The following SMYD3 variants were observed in gnomAD, a reference collection of about 807,000 sequenced individuals.
SMYD3 encodes SET and MYND domain containing 3.
A neutral mutation model predicts 57.7 loss-of-function variants in SMYD3; 36 were observed. The observed-to-expected ratio is 0.62, with a 90% CI of 0.48 to 0.82. The LOEUF is 0.82. Ranked by LOEUF, SMYD3 falls within the 40% of genes least tolerant of loss-of-function variation. The probability of loss-of-function intolerance (pLI) is 0.00; values close to 1 mark genes in which losing one functional copy is unlikely to be tolerated. For missense variants in SMYD3, 515 were observed against 538.8 expected (o/e 0.96, Z 0.44); for synonymous variants, 211 against 195.0 (o/e 1.08, Z -0.68).
At chr1:245,826,692 T>C (rs1292278906) in intron 10 of SMYD3, among the ~76,000 whole-genome samples, 1 of 152,212 alleles carries the variant, frequency 6.6e-6, no homozygotes, top group African/African-American at 2.4e-5. Flanking sequence ...AGGGGTTTAA[T>C]TGACTCACAG....
Position 246,035,856 on chromosome 1 carries a change from G to A in SMYD3, c.532-105919C>T, listed in dbSNP as rs530628194. Among the ~76,000 whole-genome samples the A allele has an allele frequency of 2.0e-5, 3 of 152,214 alleles. No homozygotes were observed. The South Asian group carries it at 6.2e-4, about 32-fold the overall frequency. Reference sequence around the variant, plus strand: ...CCTCTGATTGTCCAGGTGTTTACTTGTTGATAATCCACCATTTTCTCCACA... The same window carrying A: ...CCTCTGATTGTCCAGGTGTTTACTTATTGATAATCCACCATTTTCTCCACA... On this transcript the variant is annotated intron_variant, in intron 5 of 11. Coordinates refer to ENST00000490107, the MANE Select transcript of SMYD3 (RefSeq NM_001167740.2).
Position 245,858,552 on chromosome 1 carries a change from G to T in SMYD3, c.1020C>A (p.Asn340Lys). The T allele has an allele frequency of 6.2e-7, 1 of 1,614,202 alleles. No homozygotes were observed. The change falls in exon 10 of 12, where the codon AAC becomes AAA. Residue 340 changes from asparagine (N) to lysine (K), a missense_variant. By Grantham distance (94) the Asn-to-Lys change is moderately conservative. Coordinates refer to ENST00000490107, the MANE Select transcript of SMYD3 (RefSeq NM_001167740.2). ...ACAAGGCTTCCTCCAACAGGCCGAG[G>T]TTGATGCAGGCATCCATGGCGCAGT... ...VLDCAMDACI[N>K]LGLLEEALFY...
Position 246,090,520 on chromosome 1 carries a change from C to CTTT in SMYD3, c.532-160584_532-160583insAAA, listed in dbSNP as rs1460851329. Among the ~76,000 whole-genome samples the CTTT allele has an allele frequency of 2.9e-3, 406 of 139,880 alleles. 7 individuals carry two copies. Among genetic ancestry groups the CTTT allele is most frequent in the African/African-American group, 9.9e-3 (382 of 38,448 alleles). The allele number at this position is 139,880 out of a possible 152,430, so 91.8% of individuals were successfully genotyped here. A position where few individuals can be genotyped will look rare whatever the true frequency, so the allele number is the denominator to read the frequency against. On this transcript the variant is annotated intron_variant, in intron 5 of 11. Transcript: ENST00000490107. ...GAGAGAGCTGTTTTTCTTTCTCTCT[C>CTTT]TCTTTTTTTTTTTTTTAGATGGAGT...
Position 246,134,934 on chromosome 1 carries a change from TA to T in SMYD3, c.531+192266del, listed in dbSNP as rs1374654210. On this transcript the variant is annotated intron_variant, in intron 5 of 11. Transcript: ENST00000490107. ...CCCAAGAAAATGTTCCCAGTCAAGC[TA>T]AAAAAAAAAAAAAAACTTAGCATAT... Among the ~76,000 whole-genome samples, 887 of 130,930 alleles carry T rather than the reference TA, an allele frequency of 6.8e-3. 3 individuals are homozygous for T. The highest frequency in any genetic ancestry group is 0.015 in the African/African-American group (544 of 35,988). 85.9% of individuals were successfully genotyped at this position (130,930 alleles called of 152,430 possible). A position where few individuals can be genotyped will look rare whatever the true frequency, so the allele number is the denominator to read the frequency against.
chr1:246,119,601 C>T (rs533163444), intron 5 of SMYD3, among the ~76,000 whole-genome samples: 53 of 151,916 alleles, frequency 3.5e-4, no homozygotes, highest in Admixed American at 1.0e-3. Context: ...TTAGTAGAGA[C>T]GGGATTTCAC....
chr1:246,474,020 C>G (rs565516916), intron 1 of SMYD3, among the ~76,000 whole-genome samples: 1 of 152,276 alleles, frequency 6.6e-6, no homozygotes, highest in South Asian at 2.1e-4. Context: ...TACATAATAC[C>G]TACCAAAAGT....
rs35906120 is a variant in SMYD3 at position 245,848,103 on chromosome 1, C to CTT, written c.1076+10391_1076+10392dup. On this transcript the variant is annotated intron_variant, in intron 10 of 11. Coordinates refer to ENST00000490107, the MANE Select transcript of SMYD3 (RefSeq NM_001167740.2). ...CAGGCAAATGCAACAGAGATAAAGT[C>CTT]TTTTTTTTTTTTTGGAGACAGGGTC... is the stretch of plus-strand genomic sequence containing the variant. 3.4e-3 allele frequency among the ~76,000 whole-genome samples: 504 copies of CTT among 147,910 alleles called. 7 individuals carry two copies. Among genetic ancestry groups the CTT allele is most frequent in the South Asian group, 0.012 (57 of 4,682 alleles).
At chr1:246,153,005 T>C (rs141253082) in intron 5 of SMYD3, among the ~76,000 whole-genome samples, 1 of 152,238 alleles carries the variant, frequency 6.6e-6, no homozygotes, top group African/African-American at 2.4e-5. Flanking sequence ...CTGGGGAGTG[T>C]TTCCTCAACA....
chr1:246,008,893 C>T (rs981199906), intron 5 of SMYD3, among the ~76,000 whole-genome samples: 1 of 152,162 alleles, frequency 6.6e-6, no homozygotes, highest in Non-Finnish European at 1.5e-5. Context: ...AGCACCTTCC[C>T]CAGGTGAGAC....
intron 1 of SMYD3, among the ~76,000 whole-genome samples, chr1:246,497,399 G>T (rs1027763075): frequency 6.6e-6 from 1 of 152,152 alleles, no homozygotes; most frequent in Non-Finnish European, 1.5e-5. Context: ...TTGGAAAGGG[G>T]GTTCATGAAG....
In SMYD3 at chr1:245,976,857, A is replaced by G. The variant is rs369324193; in HGVS notation, c.532-46920T>C. Among the ~76,000 whole-genome samples, 150 of 20,100 alleles carry G rather than the reference A, an allele frequency of 7.5e-3. 1 individual carries two copies. Among genetic ancestry groups the G allele is most frequent in the Admixed American group, 0.026 (38 of 1,444 alleles). 13.2% of individuals were successfully genotyped at this position (20,100 alleles called of 152,430 possible). On this transcript the variant is annotated intron_variant, in intron 5 of 11. Transcript: ENST00000490107. ...TAGCCTAGGGAAAGCCATCGTCTCTAGCCTAGGGAAAGCCATCGTCTCCGG... is the reference window on the plus strand; with the variant it reads ...TAGCCTAGGGAAAGCCATCGTCTCTGGCCTAGGGAAAGCCATCGTCTCCGG...
intron 5 of SMYD3, among the ~76,000 whole-genome samples, chr1:246,030,946 C>T (rs1378198045): frequency 2.0e-5 from 3 of 152,092 alleles, no homozygotes; most frequent in South Asian, 2.1e-4. Context: ...GGCATGTGGA[C>T]GTGTTTAGTG....
intron 5 of SMYD3, among the ~76,000 whole-genome samples, chr1:246,277,175 T>C (rs1404009324): frequency 1.3e-5 from 2 of 152,150 alleles, no homozygotes; most frequent in African/African-American, 2.4e-5. Context: ...AATAATGCAT[T>C]CAGCTTAGGC....
At chr1:246,166,110 A>C (rs960728603) in intron 5 of SMYD3, among the ~76,000 whole-genome samples, 1 of 151,206 alleles carries the variant, frequency 6.6e-6, no homozygotes, top group Non-Finnish European at 1.5e-5. Flanking sequence ...TAAAAAAAAA[A>C]GAAGAAGAAA....
At chr1:246,368,008 A>G (rs957066289) in intron 1 of SMYD3, among the ~76,000 whole-genome samples, 3 of 152,220 alleles carry the variant, frequency 2.0e-5, no homozygotes, top group African/African-American at 7.2e-5. Flanking sequence ...AGTGTCCCAG[A>G]CACAGTGGTT....
chr1:246,039,878 T>A (rs916515108), intron 5 of SMYD3, among the ~76,000 whole-genome samples: 3 of 152,190 alleles, frequency 2.0e-5, no homozygotes, highest in African/African-American at 7.2e-5. Flanking sequence ...GTTCTCAACA[T>A]CTTGCCACTA....
intron 5 of SMYD3, among the ~76,000 whole-genome samples, chr1:246,040,694 G>GA (rs1283483982): frequency 6.6e-6 from 1 of 152,178 alleles, no homozygotes; most frequent in African/African-American, 2.4e-5. Flanking sequence ...CCTTTCATTT[G>GA]AAAAGGTGCT....
At chr1:246,110,553 T>C (rs2061215966) in intron 5 of SMYD3, among the ~76,000 whole-genome samples, 1 of 152,192 alleles carries the variant, frequency 6.6e-6, no homozygotes, top group East Asian at 1.9e-4. Context: ...GCTTAACTCT[T>C]TCCCTCTGAG....
chr1:246,320,754 T>TA lies in SMYD3; in HGVS notation c.531+6446dup, dbSNP rs35100557. 2.0e-3 allele frequency among the ~76,000 whole-genome samples: 306 copies of TA among 152,166 alleles called. 2 individuals carry two copies. The highest frequency in any genetic ancestry group is 6.9e-3 in the African/African-American group (285 of 41,512). Reference sequence around the variant, plus strand: ...TCCCTAAAGAAATCTTTTATGTGCATAAAAAAAATCTCAAAACAAATTCTA... The same window carrying TA: ...TCCCTAAAGAAATCTTTTATGTGCATAAAAAAAAATCTCAAAACAAATTCTA... On this transcript the variant is annotated intron_variant, in intron 5 of 11. Coordinates refer to ENST00000490107, the MANE Select transcript of SMYD3 (RefSeq NM_001167740.2).
Sources: allele counts gnomAD v4.1 joint callset (sites outside exome capture counted in the v4.1 genomes callset), GRCh38; gene constraint gnomAD v4.1.1; transcripts MANE v1.5; gene names NCBI Gene and HGNC (gene_info 2026-07-23, HGNC 2026-07-21).